CDKL4: variants seen among roughly 807,000 people sequenced by gnomAD.
CDKL4 encodes the protein cyclin dependent kinase like 4.
Under a neutral mutation model 42.0 loss-of-function variants are expected in CDKL4, and 44 were observed. The observed-to-expected ratio is 1.05, with a 90% confidence interval of 0.82 to 1.35. The LOEUF (loss-of-function observed/expected upper bound fraction) is 1.35. CDKL4 is among the 40% of genes most tolerant of loss of function. CDKL4 has a pLI of 0.00. For synonymous variants in CDKL4, 120 were observed against 121.6 expected (o/e 0.99, Z 0.09); for missense variants, 393 against 369.9 (o/e 1.06, Z -0.51).
rs528140404 is a variant in CDKL4, at chr2:39,181,937, C to A, written c.793-2616G>T. On this transcript the variant is annotated intron_variant, in intron 8 of 9. Transcript: ENST00000451199. The stretch of plus-strand genomic sequence containing the variant: ...CCCATATATCAATGATAATTAAGTC[C>A]TATCGGTTTTCCTTTCAAATATATC... Among the ~76,000 whole-genome samples the A allele has an allele frequency of 2.0e-5, 3 of 152,250 alleles. No individual in the cohort carries two copies. The East Asian group carries it at 5.8e-4, about 29-fold the overall frequency.
chr2:39,187,329 G>C (rs1675881926), intron 7 of CDKL4, among the ~76,000 whole-genome samples: 1 of 152,044 alleles, frequency 6.6e-6, no homozygotes, highest in African/African-American at 2.4e-5. Flanking sequence ...TGTGAAAATA[G>C]AATAATACAC....
intron 3 of CDKL4, among the ~76,000 whole-genome samples, chr2:39,221,888 C>T (rs966120268): frequency 6.6e-6 from 1 of 152,214 alleles, no homozygotes; most frequent in Non-Finnish European, 1.5e-5. Flanking sequence ...GTTGGAGTTG[C>T]TTCTCTTGTG....
intron 1 of CDKL4, among the ~76,000 whole-genome samples, 140 bp downstream of exon 1, chr2:39,243,731 C>G (rs1238818156): frequency 6.6e-6 from 1 of 152,232 alleles, no homozygotes; most frequent in African/African-American, 2.4e-5. Flanking sequence ...GCCACCGAAG[C>G]GGAAGGCGGT....
At chr2:39,168,553 T>A in the CDKL4 span, among the ~76,000 whole-genome samples, 1 of 151,966 alleles carries the variant, frequency 6.6e-6, no homozygotes. Flanking sequence ...CTGGTCAACA[T>A]GGTGAAACCC....
intron 3 of CDKL4, 83 bp downstream of exon 3, chr2:39,225,756 G>A: frequency 2.9e-6 from 4 of 1,362,964 alleles, no homozygotes; most frequent in Non-Finnish European, 4.0e-6. Flanking sequence ...TTGTGGCTGG[G>A]ATTTGAAATT....
exon 2 of CDKL4, chr2:39,229,488 A>G (rs777011832): frequency 1.2e-5 from 20 of 1,611,734 alleles, no homozygotes; most frequent in Middle Eastern, 1.7e-4. Flanking sequence ...ATACAACCCC[A>G]TAAGACCCTT....
At chr2:39,190,250 C>T (rs1676098075) in intron 6 of CDKL4, 55 bp downstream of exon 6, 1 of 1,207,200 alleles carries the variant, frequency 8.3e-7, no homozygotes, top group East Asian at 2.3e-5. Flanking sequence ...ATTATAGTAA[C>T]ATATGAATGC....
intron 1 of CDKL4, among the ~76,000 whole-genome samples, chr2:39,235,910 TA>T (rs895281149): frequency 3.3e-5 from 5 of 150,818 alleles, no homozygotes; most frequent in African/African-American, 7.3e-5. Context: ...TGAGACATGC[TA>T]AAAAAAAGGA....
intron 2 of CDKL4, among the ~76,000 whole-genome samples, chr2:39,228,818 T>C (rs1251807346): frequency 6.6e-6 from 1 of 151,966 alleles, no homozygotes; most frequent in African/African-American, 2.4e-5. Context: ...AAAATTTACA[T>C]TGAGAACTTA....
intron 5 of CDKL4, among the ~76,000 whole-genome samples, chr2:39,202,778 T>A (rs1406687333): frequency 1.3e-5 from 2 of 152,240 alleles, no homozygotes; most frequent in African/African-American, 4.8e-5. Flanking sequence ...TATGTGGATG[T>A]CTATTGAGCC....
chr2:39,245,884 G>A (rs1679894856), upstream of CDKL4, among the ~76,000 whole-genome samples: 1 of 152,154 alleles, frequency 6.6e-6, no homozygotes, highest in African/African-American at 2.4e-5. Flanking sequence ...ACCTAGCATT[G>A]TACTAGTACC....
At chr2:39,183,730 A>G (rs1675568935) in intron 8 of CDKL4, among the ~76,000 whole-genome samples, 1 of 152,126 alleles carries the variant, frequency 6.6e-6, no homozygotes, top group Non-Finnish European at 1.5e-5. Context: ...GCTGGGTGAA[A>G]GCAGATCTGG....
At chr2:39,205,162 C>CTAAA (rs1677086154) in intron 4 of CDKL4, among the ~76,000 whole-genome samples, 1 of 151,868 alleles carries the variant, frequency 6.6e-6, no homozygotes, top group South Asian at 2.1e-4. Flanking sequence ...AGCAACTGAG[C>CTAAA]TAAACCCTGT....
chr2:39,217,136 C>T (rs1290620221), intron 3 of CDKL4, among the ~76,000 whole-genome samples: 1 of 152,210 alleles, frequency 6.6e-6, no homozygotes, highest in Non-Finnish European at 1.5e-5. Context: ...CCACAGGCAG[C>T]ATTTTTCAAA....
At chr2:39,224,729 C>T (rs1678588075) in intron 3 of CDKL4, among the ~76,000 whole-genome samples, 3 of 152,040 alleles carry the variant, frequency 2.0e-5, no homozygotes, top group East Asian at 1.9e-4. Flanking sequence ...GTCTAGAACA[C>T]GTGAGTTCAA....
chr2:39,184,302 G>C (rs965755038), intron 8 of CDKL4, among the ~76,000 whole-genome samples: 3 of 152,174 alleles, frequency 2.0e-5, no homozygotes, highest in Admixed American at 2.0e-4. Flanking sequence ...CTTTTTATTT[G>C]AATCTGTCCT....
intron 5 of CDKL4, among the ~76,000 whole-genome samples, chr2:39,202,000 G>C (rs928594587): frequency 6.6e-5 from 10 of 152,116 alleles, no homozygotes; most frequent in African/African-American, 2.4e-4. Context: ...GGGAGGCCGA[G>C]GCAGGCAGAT....
Position 39,217,807 on chromosome 2 carries a change from C to T in CDKL4, c.291-4335G>A, listed in dbSNP as rs183036595. On this transcript the variant is annotated intron_variant, in intron 3 of 9. Transcript: ENST00000451199. ...GGAGTGCAATGGCATAATCTCCGCT[C>T]GCCGCAACCTCCGCCTCCTGGGTTC... Among the ~76,000 whole-genome samples, 613 of 152,182 alleles carry T rather than the reference C, an allele frequency of 4.0e-3. 4 individuals are homozygous for T. The highest frequency in any genetic ancestry group is 0.014 in the African/African-American group (578 of 41,498).
intron 5 of CDKL4, among the ~76,000 whole-genome samples, chr2:39,195,381 C>A (rs1050829166): frequency 5.3e-5 from 8 of 152,190 alleles, no homozygotes; most frequent in African/African-American, 1.7e-4. Flanking sequence ...AGCTGCCATA[C>A]TGCTTTCCAC....
Sources: allele counts gnomAD v4.1 joint callset (sites outside exome capture counted in the v4.1 genomes callset), GRCh38; gene constraint gnomAD v4.1.1; transcripts MANE v1.5; gene names NCBI Gene and HGNC (gene_info 2026-07-23, HGNC 2026-07-21).